NDUFAF6: variants seen among roughly 807,000 people sequenced by gnomAD.
The protein encoded by NDUFAF6 is NADH dehydrogenase (ubiquinone) complex I, assembly factor 6.
NDUFAF6 carries 45 observed loss-of-function variants against 40.8 expected under a neutral mutation model. That is an observed-to-expected ratio of 1.10 (90% CI 0.87 to 1.42). NDUFAF6 has a LOEUF of 1.42. Ranked by LOEUF, NDUFAF6 falls within the 40% of genes most tolerant of loss-of-function variation. NDUFAF6 has a pLI of 0.00. For missense variants in NDUFAF6, 435 were observed against 418.5 expected, an observed-to-expected ratio of 1.04 and a Z score of -0.34; for synonymous variants, 185 against 155.9, an observed-to-expected ratio of 1.19 and a Z score of -1.39.
intron 1 of NDUFAF6, chr8:94,932,081 G>A (rs372202256): frequency 1.9e-6 from 3 of 1,610,426 alleles, no homozygotes; most frequent in Non-Finnish European, 2.5e-6. Flanking sequence ...CTGTGCCCGT[G>A]AGTCTTATAA....
intron 1 of NDUFAF6, among the ~76,000 whole-genome samples, chr8:94,897,947 A>C (rs1817759201): frequency 6.6e-6 from 1 of 152,140 alleles, no homozygotes; most frequent in African/African-American, 2.4e-5. Context: ...CCATTATAGA[A>C]TTTTAGGTCT....
At chr8:94,948,641 G>A (rs1202081947) in intron 2 of NDUFAF6, among the ~76,000 whole-genome samples, 2 of 152,154 alleles carry the variant, frequency 1.3e-5, no homozygotes, top group Non-Finnish European at 2.9e-5. Context: ...ACAGAGCGCC[G>A]GGCCACAAGC....
At chr8:95,065,208 C>G (rs997206186) in intron 9 of NDUFAF6, among the ~76,000 whole-genome samples, 6 of 152,148 alleles carry the variant, frequency 3.9e-5, no homozygotes, top group Non-Finnish European at 8.8e-5. Context: ...GATGTTTGGT[C>G]AGAAGCACAG....
At chr8:95,041,839 G>T (rs1393767803) in intron 4 of NDUFAF6, among the ~76,000 whole-genome samples, 1 of 152,070 alleles carries the variant, frequency 6.6e-6, no homozygotes, top group Non-Finnish European at 1.5e-5. Context: ...GCATGTGTAT[G>T]CACAACCACA....
chr8:94,914,707 G>A (rs766542203), intron 1 of NDUFAF6, among the ~76,000 whole-genome samples: 7 of 152,032 alleles, frequency 4.6e-5, no homozygotes, highest in East Asian at 1.9e-4. Context: ...GGTGGATCAC[G>A]GGAGTTCGAG....
intron 9 of NDUFAF6, among the ~76,000 whole-genome samples, chr8:95,071,568 C>A (rs1832863347): frequency 6.6e-6 from 1 of 152,170 alleles, no homozygotes; most frequent in Non-Finnish European, 1.5e-5. Context: ...ACCCCAGTAA[C>A]CTTTGCAGCT....
At chr8:94,972,345 A>G (rs1027102231) in intron 1 of NDUFAF6, among the ~76,000 whole-genome samples, 1 of 152,160 alleles carries the variant, frequency 6.6e-6, no homozygotes, top group Middle Eastern at 3.4e-3. Context: ...GGGTTCAAGC[A>G]GTTCTCCTGC....
chr8:95,025,016 C>T lies in NDUFAF6; in HGVS notation c.8C>T (p.Ala3Val), dbSNP rs760443320. MA[A>V]SAHGSVWGPL... ...GCACGCAGTGCCGGCGTCATGGCGG[C>T]CTCCGCGCACGGCTCTGTCTGGGGG... is the stretch of plus-strand genomic sequence containing the variant. The change falls in exon 1 of 9, where the codon GCC (alanine) becomes GTC (valine). Residue 3 changes from alanine (A) to valine (V), a missense_variant. Transcript: ENST00000396124. 7 of 1,344,190 alleles carry T rather than the reference C, an allele frequency of 5.2e-6. No homozygotes were observed. The African/African-American group carries it at 6.1e-5, about 12-fold the overall frequency. 83.3% of individuals were successfully genotyped at this position (1,344,190 alleles called of 1,614,324 possible). A position where few individuals can be genotyped will look rare whatever the true frequency, so the allele number is the denominator to read the frequency against.
intron 2 of NDUFAF6, among the ~76,000 whole-genome samples, chr8:95,093,935 C>T (rs184097232): frequency 1.3e-5 from 2 of 152,302 alleles, no homozygotes; most frequent in Admixed American, 1.3e-4. Context: ...TTTCTCTCCT[C>T]AAGGCCTTCT....
chr8:95,117,289 A>G (rs1810154724), downstream of NDUFAF6, among the ~76,000 whole-genome samples: 1 of 152,248 alleles, frequency 6.6e-6, no homozygotes, highest in Non-Finnish European at 1.5e-5. Flanking sequence ...GTGTACTGGT[A>G]GAAAAACTGT....
At chr8:94,922,004 G>T (rs796623683) in intron 1 of NDUFAF6, among the ~76,000 whole-genome samples, 10 of 151,442 alleles carry the variant, frequency 6.6e-5, no homozygotes, top group Non-Finnish European at 1.2e-4. Context: ...GTGTTTTTTT[G>T]TTTTTTTCTT....
chr8:94,920,227 T>C (rs1430882561), intron 1 of NDUFAF6, among the ~76,000 whole-genome samples: 1 of 152,200 alleles, frequency 6.6e-6, no homozygotes, highest in Non-Finnish European at 1.5e-5. Context: ...GGATCACAGA[T>C]TGAAAGATCC....
At chr8:95,109,282 C>T (rs950596151) in intron 4 of NDUFAF6, among the ~76,000 whole-genome samples, 34 of 152,156 alleles carry the variant, frequency 2.2e-4, no homozygotes, top group African/African-American at 7.0e-4. Context: ...CCTTTTATAA[C>T]GTTTTTAGAA....
upstream of NDUFAF6, among the ~76,000 whole-genome samples, chr8:94,955,145 C>T (rs1181945160): frequency 6.6e-6 from 1 of 152,206 alleles, no homozygotes; most frequent in Non-Finnish European, 1.5e-5. Flanking sequence ...GTGCCTGGCA[C>T]ATGTAGGTCT....
chr8:95,073,089 C>T (rs4641029), intron 9 of NDUFAF6: 85,512 of 152,444 alleles, frequency 0.56, 24,278 homozygotes, highest in East Asian at 0.82. Flanking sequence ...GCTTATATGG[C>T]TGCGGGGACC....
intron 1 of NDUFAF6, among the ~76,000 whole-genome samples, chr8:94,935,128 T>TAGAGATAG (rs1554630991): frequency 6.9e-6 from 1 of 144,640 alleles, no homozygotes; most frequent in Admixed American, 7.0e-5. Context: ...GGTAGATAGA[T>TAGAGATAG]ATAGATAGAT....
At chr8:95,073,359 G>A (rs1832933732) in intron 9 of NDUFAF6, among the ~76,000 whole-genome samples, 1 of 152,222 alleles carries the variant, frequency 6.6e-6, no homozygotes, top group Non-Finnish European at 1.5e-5. Context: ...TCGCCCCGTC[G>A]CATTCTCAGC....
chr8:94,929,595 A>G (rs1820199142), intron 1 of NDUFAF6: 1 of 152,150 alleles, frequency 6.6e-6, no homozygotes. Flanking sequence ...GGGCAGAGAG[A>G]AATATGAAGT....
downstream of NDUFAF6, among the ~76,000 whole-genome samples, chr8:95,077,635 G>A (rs1200014439): frequency 6.6e-6 from 1 of 152,182 alleles, no homozygotes; most frequent in East Asian, 1.9e-4. Context: ...ATGGGTAACT[G>A]ACACTGCAGA....
Sources: gnomAD v4.1 joint callset for allele counts (sites outside exome capture counted in the v4.1 genomes callset) on GRCh38, gnomAD v4.1.1 for gene constraint, MANE v1.5 for transcripts, NCBI Gene and HGNC (gene_info 2026-07-23, HGNC 2026-07-21) for gene names.